Variants in ZZZ3 observed in about 807,000 individuals in gnomAD.
ZZZ3 encodes the protein zinc finger ZZ-type containing 3.
ZZZ3 carries 22 observed loss-of-function variants against 95.2 expected under a neutral mutation model. The observed-to-expected ratio is 0.23, with a 90% CI of 0.17 to 0.33. The LOEUF is 0.33. Among genes scored for constraint, ZZZ3 ranks in the 10% least tolerant of loss-of-function variants. The probability of loss-of-function intolerance (pLI) is 1.00; values close to 1 mark genes in which losing one functional copy is unlikely to be tolerated. For missense variants in ZZZ3, 885 were observed against 1,066.5 expected, an observed-to-expected ratio of 0.83 and a Z score of 2.37; for synonymous variants, 335 against 358.9, an observed-to-expected ratio of 0.93 and a Z score of 0.75.
intron 5 of ZZZ3, among the ~76,000 whole-genome samples, chr1:77,596,883 T>C (rs900396272): frequency 6.6e-6 from 1 of 152,100 alleles, no homozygotes; most frequent in Non-Finnish European, 1.5e-5. Context: ...AGTCATTACA[T>C]GAACTCAGGT....
intron 10 of ZZZ3, among the ~76,000 whole-genome samples, chr1:77,579,201 C>CTA (rs1662261053): frequency 6.6e-6 from 1 of 152,004 alleles, no homozygotes; most frequent in Non-Finnish European, 1.5e-5. Flanking sequence ...GAAAGACAAC[C>CTA]AGGAAACACT....
Position 77,564,987 on chromosome 1 carries a change from T to G in ZZZ3, c.*653A>C, listed in dbSNP as rs1386815993. 1.3e-5 allele frequency: 2 copies of G among 152,696 alleles called. No homozygotes were observed. The highest frequency in any genetic ancestry group is 2.9e-5 in the Non-Finnish European group (2 of 68,046). 9.5% of individuals were successfully genotyped at this position (152,696 alleles called of 1,614,324 possible). ...AAAATATATCTGAGTGACAATTTTA[T>G]AACATTCACACACCATGAGCTGGTT... On this transcript the variant is annotated 3_prime_UTR_variant, in exon 15 of 15. Transcript: ENST00000370801.
intron 12 of ZZZ3, among the ~76,000 whole-genome samples, chr1:77,575,566 A>G (rs1312937232): frequency 6.6e-6 from 1 of 152,214 alleles, no homozygotes; most frequent in African/African-American, 2.4e-5. Context: ...TAAAATCCAT[A>G]CTGCAAAATT....
chr1:77,659,145 G>C (rs1670555452), intron 1 of ZZZ3, among the ~76,000 whole-genome samples: 1 of 151,958 alleles, frequency 6.6e-6, no homozygotes, highest in Admixed American at 6.6e-5. Flanking sequence ...TTGAACCTGG[G>C]AGGCGGAGGT....
chr1:77,663,179 AAT>A (rs748872157), intron 1 of ZZZ3, among the ~76,000 whole-genome samples: 2 of 152,160 alleles, frequency 1.3e-5, no homozygotes, highest in Non-Finnish European at 2.9e-5. Context: ...CATGAAATCA[AAT>A]GCAATGTATG....
Position 77,581,864 on chromosome 1 carries a change from G to A in ZZZ3, c.1820C>T (p.Pro607Leu), listed in dbSNP as rs1662561951. 6.2e-7 allele frequency: 1 copy of A among 1,613,814 alleles called. No individual in the cohort carries two copies. The highest frequency in any genetic ancestry group is 1.7e-5 in the Admixed American group (1 of 59,980). Residue 607 changes from proline to leucine, a missense_variant, in exon 8 of 15, where the codon CCT (proline) becomes CTT (leucine). This residue lies in a region of ZZZ3 where 99 missense variants were observed against 119.8 expected (regional missense o/e 0.83). Transcript: ENST00000370801. The stretch of plus-strand genomic sequence containing the variant: ...CTCTCCATCCTTCTTAGGATCTAAA[G>A]GACTTTTTGGTCTAGCAGGTAAACC... Reference protein sequence around the residue: ...KVGLPARPKSPLDPKKDGESL... With the variant: ...KVGLPARPKSLLDPKKDGESL...
chr1:77,603,444 A>C (rs1172764487), intron 5 of ZZZ3, among the ~76,000 whole-genome samples: 3 of 152,106 alleles, frequency 2.0e-5, no homozygotes, highest in African/African-American at 7.2e-5. Context: ...TGCCTCAATA[A>C]TTTTCTTCCA....
intron 5 of ZZZ3, among the ~76,000 whole-genome samples, chr1:77,630,163 TA>T (rs113858067): frequency 2.0e-5 from 3 of 152,286 alleles, no homozygotes; most frequent in African/African-American, 7.2e-5. Context: ...GCACTGCAGA[TA>T]AACAGGTCTA....
At chr1:77,625,258 G>A (rs1667234111) in intron 5 of ZZZ3, among the ~76,000 whole-genome samples, 1 of 152,168 alleles carries the variant, frequency 6.6e-6, no homozygotes, top group African/African-American at 2.4e-5. Context: ...TCAGAATTTA[G>A]ATCTGGTAAC....
At chr1:77,683,223 G>A (rs1672975557), upstream of ZZZ3, 4 of 59,434 alleles carry the variant, frequency 6.7e-5, no homozygotes, top group Admixed American at 7.7e-4. Flanking sequence ...TCCCTCCCCC[G>A]TGTCTGGCCC....
At chr1:77,648,299 C>T (rs778039686) in intron 1 of ZZZ3, among the ~76,000 whole-genome samples, 3 of 143,936 alleles carry the variant, frequency 2.1e-5, no homozygotes, top group Non-Finnish European at 1.5e-5. Context: ...CAATGAGCCA[C>T]GATCATGCCC....
chr1:77,681,027 G>C (rs943325523), intron 1 of ZZZ3, among the ~76,000 whole-genome samples: 2 of 152,066 alleles, frequency 1.3e-5, no homozygotes, highest in African/African-American at 4.8e-5. Context: ...GTATGCATAC[G>C]TAAGTCTTGA....
At chr1:77,681,323 T>C (rs527717483) in intron 1 of ZZZ3, among the ~76,000 whole-genome samples, 22 of 152,204 alleles carry the variant, frequency 1.4e-4, no homozygotes, top group Admixed American at 2.6e-4. Context: ...AAAAACACTT[T>C]TGTAGTTTTA....
intron 14 of ZZZ3, 131 bp downstream of exon 14, chr1:77,565,950 C>G (rs1287222786): frequency 9.1e-7 from 1 of 1,102,146 alleles, no homozygotes; most frequent in Non-Finnish European, 1.3e-6. Flanking sequence ...AAATTAATTG[C>G]CTAGAACAAC....
chr1:77,593,594 G>C (rs1663931274), intron 5 of ZZZ3, among the ~76,000 whole-genome samples: 1 of 152,126 alleles, frequency 6.6e-6, no homozygotes. Flanking sequence ...TATAACTGAA[G>C]AACTATTCCT....
chr1:77,566,265 C>A (rs1302818564), intron 13 of ZZZ3, 84 bp from the exon 14 acceptor site: 4 of 880,308 alleles, frequency 4.5e-6, no homozygotes, highest in Non-Finnish European at 7.1e-6. Context: ...ACATGATGTG[C>A]ACACAGACAT....
intron 5 of ZZZ3, among the ~76,000 whole-genome samples, chr1:77,610,957 A>G (rs1012430499): frequency 2.0e-5 from 3 of 152,144 alleles, no homozygotes; most frequent in Admixed American, 6.5e-5. Flanking sequence ...CAGTAATAGA[A>G]GTCCTAGACA....
intron 4 of ZZZ3, among the ~76,000 whole-genome samples, chr1:77,638,343 G>GATTCTGAAAAACACTCTT (rs1668477053): frequency 6.6e-6 from 1 of 152,032 alleles, no homozygotes; most frequent in Non-Finnish European, 1.5e-5. Flanking sequence ...ATAACTATAG[G>GATTCTGAAAAACACTCTT]ATTCTGAAAA....
chr1:77,655,620 A>G (rs1670199856), intron 1 of ZZZ3, among the ~76,000 whole-genome samples: 1 of 152,330 alleles, frequency 6.6e-6, no homozygotes. Context: ...GACAATAGCT[A>G]ATGAGACAGA....
Sources: gnomAD v4.1 joint callset for allele counts (sites outside exome capture counted in the v4.1 genomes callset) on GRCh38, gnomAD v4.1.1 for gene constraint, gnomAD v4.1.1 regional missense constraint, MANE v1.5 for transcripts, NCBI Gene and HGNC (gene_info 2026-07-23, HGNC 2026-07-21) for gene names.